The following PTPN22 variants were observed in gnomAD, a reference collection of about 807,000 sequenced individuals.
PTPN22 encodes the protein protein tyrosine phosphatase non-receptor type 22.
Under a neutral mutation model 103.3 loss-of-function variants are expected in PTPN22, and 85 were observed. The observed-to-expected ratio is 0.82, with a 90% CI of 0.69 to 0.99. PTPN22 has a LOEUF of 0.99. PTPN22 is among the 50% of genes least tolerant of loss of function. PTPN22 has a pLI of 0.00. For missense variants in PTPN22, 865 were observed against 936.9 expected, an observed-to-expected ratio of 0.92 and a Z score of 1.00; for synonymous variants, 323 against 310.2, an observed-to-expected ratio of 1.04 and a Z score of -0.43.
At chr1:113,857,746 T>C (rs772603070) in exon 5 of PTPN22, 1 of 1,611,780 alleles carries the variant, frequency 6.2e-7, no homozygotes, top group South Asian at 1.1e-5. Context: ...ACCTTTCCCA[T>C]TTCATACTCC....
rs774119893 is a variant in PTPN22, at chr1:113,858,980, C to T, written c.273+22G>A. ...TGGGTATCTAGAGAAATATGGAATG[C>T]TTTTATTTTCTTTCACTGTACCTTA... is the stretch of plus-strand genomic sequence containing the variant. On this transcript the variant is annotated intron_variant, in intron 3 of 20. Coordinates refer to ENST00000359785, the Ensembl canonical transcript of PTPN22. 29 of 1,608,844 alleles carry T rather than the reference C, an allele frequency of 1.8e-5. No homozygotes were observed. The African/African-American group carries it at 3.2e-4, about 18-fold the overall frequency.
At chr1:113,857,764 C>T (rs867332454) in exon 5 of PTPN22, 1 of 1,610,554 alleles carries the variant, frequency 6.2e-7, no homozygotes, top group Non-Finnish European at 8.5e-7. Flanking sequence ...TCCATGCATG[C>T]CATAACAATG....
chr1:113,815,781 C>A (rs1442884675), intron 20 of PTPN22, among the ~76,000 whole-genome samples: 1 of 152,154 alleles, frequency 6.6e-6, no homozygotes, highest in Non-Finnish European at 1.5e-5. Context: ...CGGGTTCAAG[C>A]GATTCTCCTG....
chr1:113,855,554 G>A (rs892025418), intron 7 of PTPN22, among the ~76,000 whole-genome samples: 14 of 149,412 alleles, frequency 9.4e-5, no homozygotes, highest in Non-Finnish European at 1.0e-4. Flanking sequence ...AAATAGCCAG[G>A]ATAATAAGAC....
chr1:113,862,757 T>A (rs1665727372), intron 1 of PTPN22, among the ~76,000 whole-genome samples: 1 of 152,122 alleles, frequency 6.6e-6, no homozygotes, highest in African/African-American at 2.4e-5. Context: ...GCAAGGTAGT[T>A]CCTCAGTGCC....
intron 1 of PTPN22, among the ~76,000 whole-genome samples, chr1:113,860,923 A>G (rs1002845131): frequency 2.6e-5 from 4 of 152,310 alleles, no homozygotes; most frequent in South Asian, 4.1e-4. Context: ...ATATCCTTCA[A>G]TTAATTTGGC....
chr1:113,868,857 T>C (rs1050264364), intron 1 of PTPN22, among the ~76,000 whole-genome samples: 2 of 151,608 alleles, frequency 1.3e-5, no homozygotes, highest in Non-Finnish European at 2.9e-5. Flanking sequence ...TATGTACTTT[T>C]CTAAATGTGT....
rs776122297 is a variant in PTPN22 at position 113,837,695 on chromosome 1, T to C, written c.1705A>G (p.Thr569Ala). ...TAAGAGAAGAGGGATGTAGAGGATG[T>C]TGGCAACAGAGAAGAAGGAAAAACA... Residue 569 changes from threonine to alanine, a missense_variant, in exon 13 of 21, where the codon ACA (threonine) becomes GCA (alanine). Transcript: ENST00000359785. The C allele has an allele frequency of 2.5e-6, 4 of 1,605,494 alleles. No individual in the cohort carries two copies. The Admixed American group carries it at 6.7e-5, about 27-fold the overall frequency.
chr1:113,844,280 C>G (rs1571404164), intron 11 of PTPN22, among the ~76,000 whole-genome samples: 1 of 152,170 alleles, frequency 6.6e-6, no homozygotes, highest in African/African-American at 2.4e-5. Flanking sequence ...CATGGCAAAA[C>G]CCCATCTCTA....
At chr1:113,831,596 C>T (rs1662552144) in intron 16 of PTPN22, among the ~76,000 whole-genome samples, 1 of 152,150 alleles carries the variant, frequency 6.6e-6, no homozygotes. Flanking sequence ...CACCATTTCT[C>T]CATACACATC....
At chr1:113,859,167 C>T in intron 2 of PTPN22, 89 bp from the exon 3 acceptor site, 1 of 1,570,898 alleles carries the variant, frequency 6.4e-7, no homozygotes, top group Non-Finnish European at 8.6e-7. Context: ...AGTGTATGCT[C>T]ATGAGTGAAC....
chr1:113,838,651 T>C (rs1663243106), intron 11 of PTPN22, 31 bp from the exon 12 acceptor site: 8 of 1,599,750 alleles, frequency 5.0e-6, no homozygotes, highest in Non-Finnish European at 6.8e-6. Context: ...AGGCTGGTTT[T>C]CAGTGAAGCA....
At chr1:113,817,618 A>C (rs74507869) in intron 20 of PTPN22, among the ~76,000 whole-genome samples, 2 of 152,030 alleles carry the variant, frequency 1.3e-5, no homozygotes, top group South Asian at 2.1e-4. Context: ...TAAAAAAAAA[A>C]CATTTTTTTG....
chr1:113,817,583 A>C (rs1185121431), intron 20 of PTPN22, among the ~76,000 whole-genome samples: 2 of 151,984 alleles, frequency 1.3e-5, no homozygotes. Context: ...GACTACAGGC[A>C]CATGCCACCA....
intron 1 of PTPN22, among the ~76,000 whole-genome samples, chr1:113,861,582 T>C (rs1442987554): frequency 6.6e-6 from 1 of 151,768 alleles, no homozygotes; most frequent in Non-Finnish European, 1.5e-5. Flanking sequence ...TTTCGCCATG[T>C]TGGCCAGGCT....
exon 14 of PTPN22, chr1:113,834,977 T>C (rs759881801): frequency 3.7e-5 from 58 of 1,567,934 alleles, no homozygotes; most frequent in Non-Finnish European, 4.6e-5. Context: ...TTTCATCATC[T>C]ATCCTTGGAG....
chr1:113,846,573 C>A (rs187980056), intron 11 of PTPN22, among the ~76,000 whole-genome samples: 3 of 152,178 alleles, frequency 2.0e-5, no homozygotes, highest in East Asian at 3.9e-4. Context: ...TTATTATGTT[C>A]TTTCTTCCTT....
intron 13 of PTPN22, 69 bp downstream of exon 13, chr1:113,837,521 A>C: frequency 3.5e-6 from 4 of 1,147,748 alleles, no homozygotes; most frequent in Non-Finnish European, 5.0e-6. Context: ...GAAGAGGAGA[A>C]GAAACCAACT....
chr1:113,816,878 C>A (rs1306748353), intron 20 of PTPN22, among the ~76,000 whole-genome samples: 2 of 152,134 alleles, frequency 1.3e-5, no homozygotes, highest in Non-Finnish European at 2.9e-5. Context: ...CACTGCACTC[C>A]AGCCTGGGTG....
Sources: gnomAD v4.1 joint callset for allele counts (sites outside exome capture counted in the v4.1 genomes callset) on GRCh38, gnomAD v4.1.1 for gene constraint, MANE v1.5 for transcripts, NCBI Gene and HGNC (gene_info 2026-07-23, HGNC 2026-07-21) for gene names.